EMC3: variants seen among roughly 807,000 people sequenced by gnomAD.
The protein encoded by EMC3 is ER membrane protein complex subunit 3, also known as 30 kDa protein.
A neutral mutation model predicts 36.6 loss-of-function variants in EMC3; 13 were observed. The ratio of observed to expected loss-of-function variants is 0.35; its 90% CI spans 0.23 to 0.56. EMC3 has a LOEUF of 0.56. EMC3 is among the 20% of genes least tolerant of loss of function. The pLI is 0.84. For synonymous variants in EMC3, 120 were observed against 111.9 expected (o/e 1.07, Z -0.46); for missense variants, 220 against 324.5 (o/e 0.68, Z 2.47).
chr3:9,963,160 T>A lies in EMC3; in HGVS notation c.*909A>T, dbSNP rs1348468947. On this transcript the variant is annotated 3_prime_UTR_variant, in exon 8 of 8. Coordinates refer to ENST00000245046, the MANE Select transcript of EMC3 (RefSeq NM_001394674.1). Reference sequence around the variant, plus strand: ...CTGTCCTGACCCTGGGTATTCACTCTGAAGAGAGTTTATTTGAATAAGGTT... The same window carrying A: ...CTGTCCTGACCCTGGGTATTCACTCAGAAGAGAGTTTATTTGAATAAGGTT... 1.3e-5 allele frequency: 2 copies of A among 152,206 alleles called. No individual in the cohort carries two copies. The highest frequency in any genetic ancestry group is 2.9e-5 in the Non-Finnish European group (2 of 68,034). The allele number at this position is 152,206 out of a possible 1,614,324, so 9.4% of individuals were successfully genotyped here.
rs768572836 is a variant in EMC3, at chr3:10,008,408, G to A, written c.-242+2615C>T. ...AAGGTCCTTTCAAGTGTCTACCTGGGCCGGCATGCAGGCCGGGCAACCTTG... is the reference window on the plus strand; with the variant it reads ...AAGGTCCTTTCAAGTGTCTACCTGGACCGGCATGCAGGCCGGGCAACCTTG... On this transcript the variant is annotated intron_variant, in intron 1 of 8. Coordinates refer to the EMC3 transcript ENST00000470827. 1.0e-5 allele frequency: 14 copies of A among 1,367,522 alleles called. No individual in the cohort carries two copies. The South Asian group carries it at 1.6e-4, about 16-fold the overall frequency. 84.7% of individuals were successfully genotyped at this position (1,367,522 alleles called of 1,614,324 possible). A position where few individuals can be genotyped will look rare whatever the true frequency, so the allele number is the denominator to read the frequency against.
In EMC3 at chr3:9,975,808, T is replaced by A. The variant is rs911238784; in HGVS notation, c.307+1149A>T. On this transcript the variant is annotated intron_variant, in intron 3 of 7. Coordinates refer to ENST00000245046, the MANE Select transcript of EMC3 (RefSeq NM_001394674.1). ...GCCTGGGTGAGAGAGCGAGACTCCTTTCTGAAGAAAAAAAAAAAAAAAAAA... is the reference window on the plus strand; with the variant it reads ...GCCTGGGTGAGAGAGCGAGACTCCTATCTGAAGAAAAAAAAAAAAAAAAAA... Among the ~76,000 whole-genome samples, 12 of 129,348 alleles carry A rather than the reference T, an allele frequency of 9.3e-5. No homozygotes were observed. In the East Asian group the frequency reaches 2.5e-3, roughly 26 times the overall value. The allele number at this position is 129,348 out of a possible 152,430, so 84.9% of individuals were successfully genotyped here.
chr3:10,010,855 G>C (rs544998945), intron 1 of EMC3: 1 of 152,428 alleles, frequency 6.6e-6, no homozygotes, highest in South Asian at 2.1e-4. Context: ...TTGATGGGTG[G>C]CCCGCAGGGG....
At chr3:9,998,366 A>AAATAAT (rs35879571) in intron 1 of EMC3, among the ~76,000 whole-genome samples, 22,073 of 137,168 alleles carry the variant, frequency 0.16, 1,892 homozygotes, top group Non-Finnish European at 0.19. Context: ...ACTCTGTCTC[A>AAATAAT]AATAATAATA....
At chr3:9,973,760 A>G in intron 4 of EMC3, 51 bp from the exon 5 acceptor site, 1 of 1,522,078 alleles carries the variant, frequency 6.6e-7, no homozygotes, top group Non-Finnish European at 9.1e-7. Flanking sequence ...TATTTTTAGA[A>G]TAAGTGTGAC....
intron 3 of EMC3, among the ~76,000 whole-genome samples, chr3:9,976,294 CG>C (rs2085849656): frequency 6.6e-6 from 1 of 151,944 alleles, no homozygotes; most frequent in Non-Finnish European, 1.5e-5. Context: ...TTAGTAGAGA[CG>C]GGGTTTCATC....
At chr3:9,969,477 CATT>C (rs769319833) in intron 7 of EMC3, 12 of 1,397,770 alleles carry the variant, frequency 8.6e-6, no homozygotes, top group Non-Finnish European at 1.0e-5. Flanking sequence ...TTTACAGCAT[CATT>C]GATAGTGTGG....
chr3:10,008,136 A>T (rs958084772), intron 1 of EMC3, among the ~76,000 whole-genome samples: 1 of 152,202 alleles, frequency 6.6e-6, no homozygotes, highest in African/African-American at 2.4e-5. Flanking sequence ...CCAAGGGCCC[A>T]TCAGAGTCTG....
At chr3:9,975,714 A>AG (rs2085840483) in intron 3 of EMC3, among the ~76,000 whole-genome samples, 2 of 148,944 alleles carry the variant, frequency 1.3e-5, no homozygotes, top group Non-Finnish European at 3.0e-5. Context: ...CTGGAGGCTG[A>AG]GGCAGGAGAA....
chr3:9,995,788 TCA>T (rs1401889091), intron 1 of EMC3, among the ~76,000 whole-genome samples: 1 of 152,054 alleles, frequency 6.6e-6, no homozygotes, highest in African/African-American at 2.4e-5. Flanking sequence ...CAGGCACGTG[TCA>T]CCACAATCGG....
chr3:9,986,860 T>C (rs2085980618), upstream of EMC3: 6 of 1,375,014 alleles, frequency 4.4e-6, no homozygotes, highest in African/African-American at 1.5e-5. Context: ...AACGTTGACG[T>C]CACGTCGTGG....
chr3:9,980,234 G>A (rs1019696408), intron 1 of EMC3, among the ~76,000 whole-genome samples: 11 of 151,388 alleles, frequency 7.3e-5, no homozygotes, highest in Admixed American at 2.6e-4. Flanking sequence ...GGCTGGTCTC[G>A]AATTCCTGAC....
At chr3:9,987,149 G>C, upstream of EMC3, 1 of 853,054 alleles carries the variant, frequency 1.2e-6, no homozygotes, top group Non-Finnish European at 1.4e-6. Context: ...AGGAGGCGGA[G>C]CCTGCAGTGA....
At position 9,998,461 on chromosome 3, in the gene EMC3, G is replaced by T. The variant is rs546796793; in HGVS notation, c.-241-11559C>A. Among the ~76,000 whole-genome samples, 4 of 149,770 alleles carry T rather than the reference G, an allele frequency of 2.7e-5. No individual in the cohort carries two copies. In the South Asian group the frequency reaches 8.4e-4, roughly 31 times the overall value. On this transcript the variant is annotated intron_variant, in intron 1 of 8. Transcript: ENST00000470827. Reference sequence around the variant, plus strand: ...TTTTTTTTTTTATGTATAGGATCTTGCTCTGTCACCCAGGCTGCAGTGCAG... The same window carrying T: ...TTTTTTTTTTTATGTATAGGATCTTTCTCTGTCACCCAGGCTGCAGTGCAG...
chr3:9,991,677 G>A (rs1388496292), upstream of EMC3, among the ~76,000 whole-genome samples: 4 of 152,162 alleles, frequency 2.6e-5, no homozygotes, highest in Non-Finnish European at 4.4e-5. Context: ...TTCATGCCCA[G>A]CCTGATTATC....
intron 1 of EMC3, chr3:10,002,650 AGTG>A (rs2124939331): frequency 2.6e-6 from 1 of 379,368 alleles, no homozygotes; most frequent in Non-Finnish European, 5.2e-6. Flanking sequence ...CAACAGCAGC[AGTG>A]GTGAAGACCC....
chr3:9,996,263 G>A (rs2086122935), intron 1 of EMC3, among the ~76,000 whole-genome samples: 1 of 152,090 alleles, frequency 6.6e-6, no homozygotes. Flanking sequence ...GGGCACCATG[G>A]TGAAACCCCA....
intron 1 of EMC3, among the ~76,000 whole-genome samples, chr3:9,984,001 C>T (rs537603831): frequency 6.6e-6 from 1 of 152,142 alleles, no homozygotes; most frequent in African/African-American, 2.4e-5. Flanking sequence ...AGAAATTTTA[C>T]AGGTGCCAGA....
At chr3:9,977,312 G>T in intron 2 of EMC3, 77 bp downstream of exon 2, 2 of 1,369,776 alleles carry the variant, frequency 1.5e-6, no homozygotes, top group African/African-American at 1.5e-5. Context: ...TTTCCCCAGA[G>T]CCCCCTTATA....
Sources: allele counts gnomAD v4.1 joint callset (sites outside exome capture counted in the v4.1 genomes callset), GRCh38; gene constraint gnomAD v4.1.1; transcripts MANE v1.5; gene names NCBI Gene and HGNC (gene_info 2026-07-23, HGNC 2026-07-21).